The following PPP2CA variants were observed in gnomAD, a reference collection of about 807,000 sequenced individuals.
PPP2CA encodes serine/threonine-protein phosphatase 2A catalytic subunit alpha isoform.
PPP2CA carries 5 observed loss-of-function variants against 38.8 expected under a neutral mutation model. The observed-to-expected ratio is 0.13, with a 90% CI of 0.07 to 0.27. The LOEUF (loss-of-function observed/expected upper bound fraction) is 0.27, where lower values mean the gene tolerates loss of function less well. Among genes scored for constraint, PPP2CA ranks in the 10% least tolerant of loss-of-function variants. PPP2CA has a pLI of 1.00. For synonymous variants in PPP2CA, 152 were observed against 134.0 expected, an observed-to-expected ratio of 1.13 and a Z score of -0.93; for missense variants, 88 against 389.7, an observed-to-expected ratio of 0.23 and a Z score of 6.52.
At chr5:134,207,340 G>C (rs759053664) in intron 1 of PPP2CA, among the ~76,000 whole-genome samples, 2 of 152,206 alleles carry the variant, frequency 1.3e-5, no homozygotes, top group East Asian at 3.8e-4. Flanking sequence ...GGGAGGTGGA[G>C]GTTGCCGTGA....
chr5:134,223,015 T>C (rs1762478168), intron 1 of PPP2CA, among the ~76,000 whole-genome samples: 1 of 152,164 alleles, frequency 6.6e-6, no homozygotes, highest in South Asian at 2.1e-4. Context: ...GGCCTCAGGA[T>C]TTTTTAGTAA....
chr5:134,224,128 A>G, intron 1 of PPP2CA: 1 of 322,404 alleles, frequency 3.1e-6, no homozygotes, highest in Non-Finnish European at 6.1e-6. Flanking sequence ...CTGACTTAAA[A>G]GTCTTTCATA....
At chr5:134,222,763 T>G (rs1020526050) in intron 1 of PPP2CA, among the ~76,000 whole-genome samples, 1 of 152,238 alleles carries the variant, frequency 6.6e-6, no homozygotes, top group South Asian at 2.1e-4. Context: ...GAACTGAGCC[T>G]GAGGCAAAGC....
intron 3 of PPP2CA, 30 bp downstream of exon 3, chr5:134,201,818 T>C: frequency 6.3e-7 from 1 of 1,598,322 alleles, no homozygotes; most frequent in Non-Finnish European, 8.5e-7. Flanking sequence ...TTCTCTGAAA[T>C]AATCAGCAAT....
At chr5:134,199,013 C>T (rs1761918810) in intron 6 of PPP2CA, 73 bp downstream of exon 6, 3 of 1,210,172 alleles carry the variant, frequency 2.5e-6, no homozygotes, top group Non-Finnish European at 3.7e-6. Flanking sequence ...GTGACACCCT[C>T]TCTCTCAAAA....
chr5:134,197,886 C>T (rs1425102782), intron 6 of PPP2CA, 42 bp from the exon 7 acceptor site: 3 of 1,514,676 alleles, frequency 2.0e-6, no homozygotes, highest in Admixed American at 3.4e-5. Context: ...TCCACGACCT[C>T]CATGTAGTGA....
chr5:134,223,873 G>A (rs1022071232), intron 1 of PPP2CA, among the ~76,000 whole-genome samples: 1 of 152,084 alleles, frequency 6.6e-6, no homozygotes, highest in Non-Finnish European at 1.5e-5. Flanking sequence ...ATATTCAATA[G>A]ATGTTCAATA....
chr5:134,215,731 G>A (rs1762304513), intron 1 of PPP2CA, among the ~76,000 whole-genome samples: 1 of 152,148 alleles, frequency 6.6e-6, no homozygotes, highest in Admixed American at 6.5e-5. Context: ...AAGTCACCAG[G>A]CCTAGCCTCT....
Position 134,201,832 on chromosome 5 carries a change from T to A in PPP2CA, c.486+16A>T. ...ATTCTCTGAAATAATCAGCAATGAG[T>A]TTTAGATCCACATACCTGCCCATCC... On this transcript the variant is annotated intron_variant, in intron 3 of 6. Transcript: ENST00000481195. 1 of 1,609,746 alleles carries A rather than the reference T, an allele frequency of 6.2e-7. No homozygotes were observed.
intron 1 of PPP2CA, among the ~76,000 whole-genome samples, chr5:134,217,185 CAGG>C (rs903213358): frequency 2.0e-5 from 3 of 151,946 alleles, no homozygotes; most frequent in African/African-American, 4.8e-5. Flanking sequence ...GAGGCTGGGG[CAGG>C]AGAATTGCTT....
At chr5:134,208,846 G>T (rs1762140731) in intron 1 of PPP2CA, among the ~76,000 whole-genome samples, 1 of 152,128 alleles carries the variant, frequency 6.6e-6, no homozygotes. Context: ...TTGTTCAGCA[G>T]CCTGCTTTTC....
In PPP2CA at chr5:134,197,767, T is replaced by A. The variant is rs377522263; in HGVS notation, c.*5A>T. On this transcript the variant is annotated 3_prime_UTR_variant, in exon 7 of 7. Coordinates refer to ENST00000481195, the MANE Select transcript of PPP2CA (RefSeq NM_002715.4). ...ATGGCAATACTGTACAAGTTTAAAA[T>A]TTCATTACAGGAAGTAGTCTGGGGT... The A allele has an allele frequency of 6.2e-7, 1 of 1,612,008 alleles. No individual in the cohort carries two copies. Among genetic ancestry groups the A allele is most frequent in the Admixed American group, 1.7e-5 (1 of 59,998 alleles).
At chr5:134,206,969 G>C (rs1387241272) in intron 1 of PPP2CA, among the ~76,000 whole-genome samples, 1 of 152,220 alleles carries the variant, frequency 6.6e-6, no homozygotes, top group Non-Finnish European at 1.5e-5. Flanking sequence ...AAAGGAAAGG[G>C]AGAGGGAAAC....
Position 134,226,023 on chromosome 5 carries a change from C to T in PPP2CA, c.-162G>A. The T allele has an allele frequency of 3.5e-6, 2 of 567,940 alleles. No individual in the cohort carries two copies. The highest frequency in any genetic ancestry group is 3.0e-6 in the Non-Finnish European group (1 of 332,404). 35.2% of individuals were successfully genotyped at this position (567,940 alleles called of 1,614,324 possible). ...TCTCACCGCAGTACTCGGCCGTCGG[C>T]CGCTGCGCCTCCTCCTCCGCTCGCT... On this transcript the variant is annotated 5_prime_UTR_variant, in exon 1 of 7. Transcript: ENST00000481195.
intron 1 of PPP2CA, among the ~76,000 whole-genome samples, chr5:134,213,758 G>A (rs1221671582): frequency 1.3e-5 from 2 of 152,150 alleles, no homozygotes; most frequent in African/African-American, 4.8e-5. Flanking sequence ...ACTTCAGCCT[G>A]GGCAACAACA....
intron 1 of PPP2CA, among the ~76,000 whole-genome samples, chr5:134,209,065 G>A (rs1189101071): frequency 6.6e-6 from 1 of 152,166 alleles, no homozygotes; most frequent in Non-Finnish European, 1.5e-5. Flanking sequence ...GTATCTAGTA[G>A]TTTGGTTTTT....
intron 1 of PPP2CA, among the ~76,000 whole-genome samples, chr5:134,220,304 C>CA (rs1301649685): frequency 6.6e-6 from 1 of 150,898 alleles, no homozygotes; most frequent in East Asian, 2.0e-4. Flanking sequence ...ACTAAAAATA[C>CA]AAAAATTAGC....
chr5:134,212,259 A>G (rs1330046261), intron 1 of PPP2CA, among the ~76,000 whole-genome samples: 2 of 152,222 alleles, frequency 1.3e-5, no homozygotes, highest in South Asian at 2.1e-4. Context: ...CAAGTTTATC[A>G]GCACCATTTT....
At chr5:134,212,800 G>A (rs563354304) in intron 1 of PPP2CA, among the ~76,000 whole-genome samples, 5 of 152,138 alleles carry the variant, frequency 3.3e-5, no homozygotes, top group East Asian at 1.9e-4. Flanking sequence ...TTGCAGATAC[G>A]GACAAAGTTT....
Sources: gnomAD v4.1 joint callset for allele counts (sites outside exome capture counted in the v4.1 genomes callset) on GRCh38, gnomAD v4.1.1 for gene constraint, MANE v1.5 for transcripts, NCBI Gene and HGNC (gene_info 2026-07-23, HGNC 2026-07-21) for gene names.